COL7A1: variants seen among roughly 807,000 people sequenced by gnomAD.
The protein encoded by COL7A1 is collagen type VII alpha 1 chain, also known as collagen alpha-1(VII) chain.
In COL7A1, 296 loss-of-function variants were observed where a neutral mutation model predicts 456.2. The observed-to-expected ratio is 0.65, with a 90% CI of 0.59 to 0.71. The LOEUF (loss-of-function observed/expected upper bound fraction) is 0.71. Among genes scored for constraint, COL7A1 ranks in the 30% least tolerant of loss-of-function variants. The probability of loss-of-function intolerance (pLI) is 0.00; values close to 1 mark genes in which losing one functional copy is unlikely to be tolerated. For missense variants in COL7A1, 3,441 were observed against 4,017.2 expected (o/e 0.86, Z 3.88); for synonymous variants, 1,464 against 1,525.9 (o/e 0.96, Z 0.95).
chr3:48,564,121 A>G lies in COL7A1; in HGVS notation c.*285T>C, dbSNP rs1307733588. 5.6e-6 allele frequency: 3 copies of G among 538,904 alleles called. No homozygotes were observed. Among genetic ancestry groups the G allele is most frequent in the Admixed American group, 6.0e-5 (2 of 33,146 alleles). The allele number at this position is 538,904 out of a possible 1,614,324, so 33.4% of individuals were successfully genotyped here. On this transcript the variant is annotated 3_prime_UTR_variant, in exon 119 of 119. Coordinates refer to ENST00000681320, the MANE Select transcript of COL7A1 (RefSeq NM_000094.4). This position sits in a 1 kb window ranked among gnomAD's most constrained non-coding sequence, Gnocchi z 6.0. ...TGCCCCCCAGAATCAGCACCATGTC[A>G]TCACAGGCTTGGGTCAAGGGGCGGG...
chr3:48,564,425 G>A lies in COL7A1; in HGVS notation c.8819-3C>T, dbSNP rs148536949. On this transcript the variant is annotated splice_polypyrimidine_tract_variant and splice_region_variant and intron_variant, in intron 118 of 118. Transcript: ENST00000681320. The surrounding 1 kb of genome is among the most constrained non-coding windows in gnomAD (Gnocchi z 6.0). ...TGGGCCTCAGTCCTGGGCAGTACCT[G>A]GTGAGGACAGGTTGGAAACGGTCGT... 3.7e-5 allele frequency: 59 copies of A among 1,614,034 alleles called. No individual in the cohort carries two copies. The East Asian group carries it at 1.2e-3, about 33-fold the overall frequency.
Position 48,590,418 on chromosome 3 carries a change from A to G in COL7A1, c.1906+41T>C, listed in dbSNP as rs775125751. 2 of 1,613,992 alleles carry G rather than the reference A, an allele frequency of 1.2e-6. No individual in the cohort carries two copies. The highest frequency in any genetic ancestry group is 4.5e-5 in the East Asian group (2 of 44,876). ...TGTCCCCTCTGGCACCCATACCCTC[A>G]TTGGTCCCTTTGGCAGTCCCCCCAC... On this transcript the variant is annotated intron_variant, in intron 15 of 118. Transcript: ENST00000681320. The surrounding 1 kb of genome is among the most constrained non-coding windows in gnomAD (Gnocchi z 4.6).
In COL7A1 at chr3:48,565,777, G is replaced by T; in HGVS notation, c.8408-109C>A. On this transcript the variant is annotated intron_variant, in intron 114 of 118. Transcript: ENST00000681320. The surrounding 1 kb of genome is among the most constrained non-coding windows in gnomAD (Gnocchi z 4.5). ...AGGGGTAGAGATACACAAAGAGATAGCAGGAGAGGGTAACAGGAGAGAGAG... is the reference window on the plus strand; with the variant it reads ...AGGGGTAGAGATACACAAAGAGATATCAGGAGAGGGTAACAGGAGAGAGAG... 9.6e-7 allele frequency: 1 copy of T among 1,040,982 alleles called. No individual in the cohort carries two copies. The highest frequency in any genetic ancestry group is 1.5e-6 in the Non-Finnish European group (1 of 686,628). 64.5% of individuals were successfully genotyped at this position (1,040,982 alleles called of 1,614,324 possible). A position where few individuals can be genotyped will look rare whatever the true frequency, so the allele number is the denominator to read the frequency against.
Position 48,579,602 on chromosome 3 carries a change from C to A in COL7A1, c.5221G>T (p.Ala1741Ser). Residue 1741 changes from alanine (A) to serine (S), a missense_variant, in exon 59 of 119, where the codon GCC (alanine) becomes TCC (serine). Physicochemically the swap from Ala to Ser is moderately conservative, Grantham distance 99 (BLOSUM62 1). Transcript: ENST00000681320. This position sits in a 1 kb window ranked among gnomAD's most constrained non-coding sequence, Gnocchi z 4.4. The part of the protein sequence containing the change: ...GPKGDPGLPG[A>S]PGERGIEGFR... ...ATCACACTCACCCTTTCCCCAGGGG[C>A]TCCAGGGAGGCCAGGATCACCCTTG... 6.2e-7 allele frequency: 1 copy of A among 1,613,854 alleles called. No individual in the cohort carries two copies.
chr3:48,576,134 C>T, intron 71 of COL7A1, 115 bp downstream of exon 71: 2 of 1,513,212 alleles, frequency 1.3e-6, no homozygotes, highest in Non-Finnish European at 1.8e-6. Context: ...TGGGGCAGGG[C>T]ACTGAACACA....
rs780361189 is a variant in COL7A1 at position 48,570,688 on chromosome 3, C to T, written c.7295G>A (p.Arg2432Lys). 1 of 1,584,588 alleles carries T rather than the reference C, an allele frequency of 6.3e-7. No homozygotes were observed. The highest frequency in any genetic ancestry group is 2.3e-5 in the East Asian group (1 of 43,458). Reference protein sequence around the residue: ...GERGLAGPPGREGIPGPLGPP... With the variant: ...GERGLAGPPGKEGIPGPLGPP... ...CCCCAGGGGTCCTGGGATTCCTTCTCTCCCTGGGGGGCCTGCCAGACCCTA... is the reference window on the plus strand; with the variant it reads ...CCCCAGGGGTCCTGGGATTCCTTCTTTCCCTGGGGGGCCTGCCAGACCCTA... The change falls in exon 96 of 119, where the codon AGA becomes AAA. Residue 2432 changes from arginine (R) to lysine (K), a missense_variant. By Grantham distance (26) the Arg-to-Lys change is conservative. This residue lies in a region of COL7A1 where 2,084 missense variants were observed against 2,501.3 expected (regional missense o/e 0.83). Transcript: ENST00000681320. This position sits in a 1 kb window ranked among gnomAD's most constrained non-coding sequence, Gnocchi z 5.5.
chr3:48,582,568 C>T (rs1458499802), intron 45 of COL7A1, 41 bp downstream of exon 45: 1 of 1,613,646 alleles, frequency 6.2e-7, no homozygotes, highest in African/African-American at 1.3e-5. Context: ...GAGGGACACA[C>T]AAAAGTCCCA....
rs2107787227 is a variant in COL7A1 at position 48,591,528 on chromosome 3, C to T, written c.1572G>A (p.Val524=). Residue 524 remains valine (V), a synonymous_variant, in exon 13 of 119, where the codon GTG becomes GTA. Transcript: ENST00000681320. This position sits in a 1 kb window ranked among gnomAD's most constrained non-coding sequence, Gnocchi z 7.0. Reference sequence around the variant, plus strand: ...CAGGGACTGGGCTCCAGGACACTCGCACCCGCTGCCCGGGCAGCTCGGTGG... The same window carrying T: ...CAGGGACTGGGCTCCAGGACACTCGTACCCGCTGCCCGGGCAGCTCGGTGG... ...LQATELPGQR[V]RVSWSPVPGA... The T allele has an allele frequency of 6.2e-7, 1 of 1,614,008 alleles. No individual in the cohort carries two copies.
At position 48,593,847 on chromosome 3, in the gene COL7A1, ACC is replaced by A; in HGVS notation, c.267-153_267-152del. ...TTCTCCACACCCACTTGCCTCTGGA[ACC>A]CCCAGGTTAACAAACTCCCCAGGGG... On this transcript the variant is annotated intron_variant, in intron 3 of 118. Coordinates refer to ENST00000681320, the MANE Select transcript of COL7A1 (RefSeq NM_000094.4). The surrounding 1 kb of genome is among the most constrained non-coding windows in gnomAD (Gnocchi z 4.4). The A allele has an allele frequency of 1.0e-6, 1 of 979,440 alleles. No individual in the cohort carries two copies. Among genetic ancestry groups the A allele is most frequent in the Non-Finnish European group, 1.6e-6 (1 of 636,338 alleles). The allele number at this position is 979,440 out of a possible 1,614,324, so 60.7% of individuals were successfully genotyped here.
chr3:48,589,433 C>G lies in COL7A1; in HGVS notation c.2208G>C (p.Thr736=), dbSNP rs759349429. The G allele has an allele frequency of 6.2e-7, 1 of 1,613,766 alleles. No homozygotes were observed. The highest frequency in any genetic ancestry group is 8.5e-7 in the Non-Finnish European group (1 of 1,180,016). ...EKSQLVSGEA[T]VAELDGLEPD... Reference sequence around the variant, plus strand: ...GCTCCAGTCCATCCAGCTCAGCCACCGTGGCCTCCCCAGAAACCAACTGGG... The same window carrying G: ...GCTCCAGTCCATCCAGCTCAGCCACGGTGGCCTCCCCAGAAACCAACTGGG... The change falls in exon 18 of 119, where the codon ACG becomes ACC. Residue 736 remains threonine, a synonymous_variant. Coordinates refer to ENST00000681320, the MANE Select transcript of COL7A1 (RefSeq NM_000094.4).
chr3:48,590,670 C>T lies in COL7A1; in HGVS notation c.1780+3G>A. On this transcript the variant is annotated splice_donor_region_variant and intron_variant, in intron 14 of 118. Transcript: ENST00000681320. The surrounding 1 kb of genome is among the most constrained non-coding windows in gnomAD (Gnocchi z 4.6). ...TCCTCCACAAGCCTCCTGCAGTACT[C>T]ACCCCGGCGGACAGTGAGGACACTG... 1.2e-6 allele frequency: 2 copies of T among 1,614,030 alleles called. No individual in the cohort carries two copies. Among genetic ancestry groups the T allele is most frequent in the Non-Finnish European group, 1.7e-6 (2 of 1,180,040 alleles).
Position 48,587,447 on chromosome 3 carries a change from A to G in COL7A1, c.2965T>C (p.Trp989Arg). 1 of 1,613,302 alleles carries G rather than the reference A, an allele frequency of 6.2e-7. No individual in the cohort carries two copies. Among genetic ancestry groups the G allele is most frequent in the Non-Finnish European group, 8.5e-7 (1 of 1,180,016 alleles). The change falls in exon 23 of 119, where the codon TGG becomes CGG. Residue 989 changes from tryptophan to arginine, a missense_variant. Physicochemically the swap from Trp to Arg is moderately radical, Grantham distance 101. This residue lies in a region of COL7A1 where 444 missense variants were observed against 427.6 expected (regional missense o/e 1.04). Coordinates refer to ENST00000681320, the MANE Select transcript of COL7A1 (RefSeq NM_000094.4). The surrounding 1 kb of genome is among the most constrained non-coding windows in gnomAD (Gnocchi z 6.1). ...TGGCCAGGGCCTCTGAGTGGCCGCC[A>G]GGATAGGATGTAGCTGGATGCCCTG... ...VSRASSYILS[W>R]RPLRGPGQEV...
rs1308609222 is a variant in COL7A1, at chr3:48,570,489, C to T, written c.7356G>A (p.Gly2452=). Residue 2452 remains glycine (G), a synonymous_variant, in exon 97 of 119, where the codon GGG becomes GGA. Transcript: ENST00000681320. This position sits in a 1 kb window ranked among gnomAD's most constrained non-coding sequence, Gnocchi z 5.5. Reference sequence around the variant, plus strand: ...CCTTGTCTCCTTTGAGTCCAGAGGCCCCAGGTGGTCCCTGTAGGTCAGAGT... The same window carrying T: ...CCTTGTCTCCTTTGAGTCCAGAGGCTCCAGGTGGTCCCTGTAGGTCAGAGT... ...PGPPGSVGPP[G]ASGLKGDKGD... 6.2e-7 allele frequency: 1 copy of T among 1,614,010 alleles called. No individual in the cohort carries two copies. The highest frequency in any genetic ancestry group is 8.5e-7 in the Non-Finnish European group (1 of 1,179,958).
In COL7A1 at chr3:48,576,727, A is replaced by G; in HGVS notation, c.5649T>C (p.Leu1883=). The G allele has an allele frequency of 6.2e-7, 1 of 1,611,690 alleles. No homozygotes were observed. The highest frequency in any genetic ancestry group is 1.3e-5 in the African/African-American group (1 of 74,994). Residue 1883 remains leucine (L), a synonymous_variant, in exon 68 of 119, where the codon CTT becomes CTC. Coordinates refer to ENST00000681320, the MANE Select transcript of COL7A1 (RefSeq NM_000094.4). ...PKGERGAPGI[L]GPQGPPGLPG... is the part of the protein sequence containing the mutation. ...GGAGGCCTGGAGGCCCCTGGGGTCC[A>G]AGGATACCAGGAGCTCCACGCTCAC...
At position 48,592,738 on chromosome 3, in the gene COL7A1, A is replaced by G. The variant is rs781220998; in HGVS notation, c.846+37T>C. 5 of 1,613,380 alleles carry G rather than the reference A, an allele frequency of 3.1e-6. No homozygotes were observed. In the South Asian group the frequency reaches 3.3e-5, roughly 11 times the overall value. On this transcript the variant is annotated intron_variant, in intron 7 of 118. Transcript: ENST00000681320. The surrounding 1 kb of genome is among the most constrained non-coding windows in gnomAD (Gnocchi z 7.6). Reference sequence around the variant, plus strand: ...GAGGTCACTTTATCTTGCCCAGCCAAGTCCCCAGCCACCACCTATCACTCC... The same window carrying G: ...GAGGTCACTTTATCTTGCCCAGCCAGGTCCCCAGCCACCACCTATCACTCC...
Position 48,568,512 on chromosome 3 carries a change from A to T in COL7A1, c.7781T>A (p.Ile2594Asn). 1 of 1,607,052 alleles carries T rather than the reference A, an allele frequency of 6.2e-7. No individual in the cohort carries two copies. Among genetic ancestry groups the T allele is most frequent in the Admixed American group, 1.7e-5 (1 of 59,712 alleles). Residue 2594 changes from isoleucine (I) to asparagine (N), a missense_variant, in exon 105 of 119, where the codon ATC becomes AAC. Ile to Asn is a moderately radical substitution (Grantham distance 149). This residue lies in a region of COL7A1 where 2,084 missense variants were observed against 2,501.3 expected (regional missense o/e 0.83). Transcript: ENST00000681320. This position sits in a 1 kb window ranked among gnomAD's most constrained non-coding sequence, Gnocchi z 5.2. ...GPQGQPGAAG[I>N]PGDPGSPGKD... ...GGGGCATCTTACCGGGTCACCAGGGATCCCTGCTGCACCAGGTTGACCCTG... is the reference window on the plus strand; with the variant it reads ...GGGGCATCTTACCGGGTCACCAGGGTTCCCTGCTGCACCAGGTTGACCCTG...
Position 48,564,758 on chromosome 3 carries a change from C to T in COL7A1, c.8818+25G>A. On this transcript the variant is annotated intron_variant, in intron 118 of 118. Transcript: ENST00000681320. This position sits in a 1 kb window ranked among gnomAD's most constrained non-coding sequence, Gnocchi z 6.0. ...TCCAGGCAGGCTCAGTGCCCAGTTC[C>T]CCACGGTGGGGGCTCAGCCCATACC... is the stretch of plus-strand genomic sequence containing the variant. The T allele has an allele frequency of 2.5e-6, 4 of 1,609,158 alleles. No individual in the cohort carries two copies. The highest frequency in any genetic ancestry group is 3.4e-6 in the Non-Finnish European group (4 of 1,177,208).
chr3:48,571,987 G>C lies in COL7A1; in HGVS notation c.7068+14C>G, dbSNP rs2043951923. 6.2e-7 allele frequency: 1 copy of C among 1,611,318 alleles called. No homozygotes were observed. The highest frequency in any genetic ancestry group is 1.7e-5 in the Admixed American group (1 of 59,746). ...CTCAGGCCAGGCTCGCCCTTGCCTAGGCCCCGGACTCACATCTTCCCCAGG... is the reference window on the plus strand; with the variant it reads ...CTCAGGCCAGGCTCGCCCTTGCCTACGCCCCGGACTCACATCTTCCCCAGG... On this transcript the variant is annotated intron_variant, in intron 92 of 118. Coordinates refer to ENST00000681320, the MANE Select transcript of COL7A1 (RefSeq NM_000094.4). This position sits in a 1 kb window ranked among gnomAD's most constrained non-coding sequence, Gnocchi z 4.6.
At position 48,578,183 on chromosome 3, in the gene COL7A1, T is replaced by G; in HGVS notation, c.5532+138A>C. 4 of 979,022 alleles carry G rather than the reference T, an allele frequency of 4.1e-6. No individual in the cohort carries two copies. Among genetic ancestry groups the G allele is most frequent in the Non-Finnish European group, 6.2e-6 (4 of 643,252 alleles). The allele number at this position is 979,022 out of a possible 1,614,324, so 60.6% of individuals were successfully genotyped here. ...CCATCTCAAAAAAAAAAAAACTATGTTTCTGGATGCATCTGTATGTCTGGG... is the reference window on the plus strand; with the variant it reads ...CCATCTCAAAAAAAAAAAAACTATGGTTCTGGATGCATCTGTATGTCTGGG... On this transcript the variant is annotated intron_variant, in intron 65 of 118. Coordinates refer to ENST00000681320, the MANE Select transcript of COL7A1 (RefSeq NM_000094.4). The surrounding 1 kb of genome is among the most constrained non-coding windows in gnomAD (Gnocchi z 4.7).
Sources: gnomAD v4.1 joint callset for allele counts on GRCh38, gnomAD v4.1.1 for gene constraint, gnomAD v4.1.1 regional missense constraint, Gnocchi (gnomAD v3.1) non-coding constraint, MANE v1.5 for transcripts, NCBI Gene and HGNC (gene_info 2026-07-23, HGNC 2026-07-21) for gene names.